Variants in GNAQ observed in about 807,000 individuals in gnomAD.
GNAQ encodes G protein subunit alpha q, also known as guanine nucleotide-binding protein G(q) subunit alpha.
Under a neutral mutation model 43.9 loss-of-function variants are expected in GNAQ, and 8 were observed. The ratio of observed to expected loss-of-function variants is 0.18; its 90% CI spans 0.11 to 0.33. The LOEUF (loss-of-function observed/expected upper bound fraction) is 0.33. Among genes scored for constraint, GNAQ ranks in the 10% least tolerant of loss-of-function variants. The pLI is 1.00. For missense variants in GNAQ, 158 were observed against 450.8 expected (o/e 0.35, Z 5.88); for synonymous variants, 155 against 170.7 (o/e 0.91, Z 0.71).
intron 1 of GNAQ, among the ~76,000 whole-genome samples, chr9:77,964,929 C>A (rs979450413): frequency 2.6e-5 from 4 of 152,090 alleles, no homozygotes; most frequent in African/African-American, 4.8e-5. Context: ...TACTCAATTA[C>A]AATTCACTGT....
intron 1 of GNAQ, among the ~76,000 whole-genome samples, chr9:77,934,793 T>A (rs1312504880): frequency 6.6e-6 from 1 of 152,226 alleles, no homozygotes; most frequent in African/African-American, 2.4e-5. Flanking sequence ...TAAGGACTTT[T>A]AGAAGTCCAC....
At chr9:78,030,737 C>T (rs1824042143) in intron 1 of GNAQ, 2 of 371,148 alleles carry the variant, frequency 5.4e-6, no homozygotes, top group Non-Finnish European at 1.1e-5. Context: ...AACCCCTCTG[C>T]CCACCTTTCC....
intron 5 of GNAQ, among the ~76,000 whole-genome samples, chr9:77,745,937 A>G (rs933937288): frequency 2.0e-5 from 3 of 152,094 alleles, no homozygotes; most frequent in African/African-American, 7.2e-5. Flanking sequence ...AAGAAAGAAT[A>G]CCTATACCAA....
chr9:77,771,621 A>G (rs1826224281), intron 5 of GNAQ, among the ~76,000 whole-genome samples: 2 of 152,100 alleles, frequency 1.3e-5, no homozygotes, highest in Non-Finnish European at 2.9e-5. Flanking sequence ...AGTGGACAGG[A>G]CTGGCTACAG....
At chr9:78,025,430 T>C (rs1823965923) in intron 1 of GNAQ, among the ~76,000 whole-genome samples, 1 of 152,176 alleles carries the variant, frequency 6.6e-6, no homozygotes, top group Non-Finnish European at 1.5e-5. Flanking sequence ...TTGCCACAGA[T>C]TTAATTACCA....
intron 4 of GNAQ, among the ~76,000 whole-genome samples, chr9:77,796,918 G>T (rs1003868922): frequency 2.6e-5 from 4 of 152,132 alleles, no homozygotes; most frequent in African/African-American, 7.2e-5. Context: ...AAAAATTACA[G>T]TTAAGACCAA....
intron 5 of GNAQ, among the ~76,000 whole-genome samples, chr9:77,779,474 A>G (rs998770651): frequency 6.6e-5 from 10 of 151,870 alleles, no homozygotes; most frequent in Non-Finnish European, 1.2e-4. Flanking sequence ...TCTAAAATCG[A>G]TATCTAAATT....
chr9:78,013,564 T>C (rs1389731677), intron 1 of GNAQ, among the ~76,000 whole-genome samples: 1 of 152,006 alleles, frequency 6.6e-6, no homozygotes, highest in East Asian at 1.9e-4. Flanking sequence ...ATATCCAATG[T>C]TGCCTCTGAG....
At chr9:77,821,120 T>G (rs753847364) in intron 2 of GNAQ, among the ~76,000 whole-genome samples, 1 of 152,220 alleles carries the variant, frequency 6.6e-6, no homozygotes, top group Non-Finnish European at 1.5e-5. Flanking sequence ...ATCCTTTCAT[T>G]AAGACTTCAC....
At chr9:77,806,435 C>T (rs1826830641) in intron 3 of GNAQ, among the ~76,000 whole-genome samples, 1 of 152,144 alleles carries the variant, frequency 6.6e-6, no homozygotes, top group East Asian at 1.9e-4. Flanking sequence ...AGAACTGGCA[C>T]AATATATGTT....
chr9:77,786,489 A>G (rs1826481761), intron 5 of GNAQ, among the ~76,000 whole-genome samples: 1 of 152,202 alleles, frequency 6.6e-6, no homozygotes, highest in Non-Finnish European at 1.5e-5. Context: ...TGGGCCCAGT[A>G]TTCGGGGTCA....
chr9:78,030,652 C>G (rs1011377572), intron 1 of GNAQ: 1 of 429,720 alleles, frequency 2.3e-6, no homozygotes, highest in African/African-American at 2.0e-5. Context: ...GCTCCGCTCG[C>G]CACCCGCTGG....
intron 2 of GNAQ, among the ~76,000 whole-genome samples, chr9:77,875,032 A>T (rs1323513758): frequency 6.6e-6 from 1 of 152,118 alleles, no homozygotes; most frequent in Non-Finnish European, 1.5e-5. Context: ...TAACTGGTTC[A>T]GTGTAATTTA....
intron 1 of GNAQ, among the ~76,000 whole-genome samples, chr9:77,935,302 T>TG (rs1441921191): frequency 3.3e-5 from 5 of 152,110 alleles, no homozygotes; most frequent in Non-Finnish European, 5.9e-5. Flanking sequence ...TAGTACCTGC[T>TG]GGGGGGTCTC....
chr9:77,777,584 T>C (rs1826322605), intron 5 of GNAQ, among the ~76,000 whole-genome samples: 1 of 152,036 alleles, frequency 6.6e-6, no homozygotes. Flanking sequence ...TTGCAAATCA[T>C]ATTTCTGATA....
intron 5 of GNAQ, among the ~76,000 whole-genome samples, chr9:77,762,073 T>C (rs1258190558): frequency 2.0e-5 from 2 of 98,492 alleles, no homozygotes; most frequent in African/African-American, 4.2e-5. Context: ...GGGAGGGAGG[T>C]GGGGGGGTCA....
At chr9:77,973,519 A>G (rs761955536) in intron 1 of GNAQ, among the ~76,000 whole-genome samples, 1 of 149,810 alleles carries the variant, frequency 6.7e-6, no homozygotes, top group Non-Finnish European at 1.5e-5. Flanking sequence ...AGGGAAACAT[A>G]GAAATAGGAA....
At chr9:77,759,640 G>A (rs1430274579) in intron 5 of GNAQ, among the ~76,000 whole-genome samples, 2 of 152,022 alleles carry the variant, frequency 1.3e-5, no homozygotes, top group Admixed American at 6.5e-5. Flanking sequence ...CCTTCAATAC[G>A]TAACTTAGGA....
chr9:77,956,543 C>T (rs1031272836), intron 1 of GNAQ, among the ~76,000 whole-genome samples: 1 of 152,168 alleles, frequency 6.6e-6, no homozygotes, highest in Non-Finnish European at 1.5e-5. Flanking sequence ...AATCCTGGGG[C>T]ACTGCAACCC....
Sources: gnomAD v4.1 joint callset for allele counts (sites outside exome capture counted in the v4.1 genomes callset) on GRCh38, gnomAD v4.1.1 for gene constraint, MANE v1.5 for transcripts, NCBI Gene and HGNC (gene_info 2026-07-23, HGNC 2026-07-21) for gene names.